The following DNAH9 variants were observed in gnomAD, a reference collection of about 807,000 sequenced individuals.
The protein encoded by DNAH9 is DNAH9 variant protein.
DNAH9 carries 345 observed loss-of-function variants against 471.6 expected under a neutral mutation model. The observed-to-expected ratio is 0.73, with a 90% CI of 0.67 to 0.80. DNAH9 has a LOEUF of 0.80. Ranked by LOEUF, DNAH9 falls within the 30% of genes least tolerant of loss-of-function variation. DNAH9 has a pLI of 0.00. For synonymous variants in DNAH9, 2,093 were observed against 2,123.6 expected, an observed-to-expected ratio of 0.99 and a Z score of 0.40; for missense variants, 5,407 against 5,609.2, an observed-to-expected ratio of 0.96 and a Z score of 1.15.
chr17:11,781,276 T>A, intron 39 of DNAH9, 102 bp downstream of exon 39: 1 of 1,262,796 alleles, frequency 7.9e-7, no homozygotes, highest in South Asian at 1.7e-5. Context: ...TCAGCATAGC[T>A]CTGGTGCCAG....
At chr17:11,774,757 G>C (rs11871363) in intron 38 of DNAH9, among the ~76,000 whole-genome samples, 1 of 151,692 alleles carries the variant, frequency 6.6e-6, no homozygotes, top group African/African-American at 2.4e-5. Context: ...ATATATTTTC[G>C]CTGCTGCATA....
intron 15 of DNAH9, among the ~76,000 whole-genome samples, chr17:11,668,385 G>C (rs1352132533): frequency 1.3e-5 from 2 of 152,120 alleles, no homozygotes; most frequent in African/African-American, 2.4e-5. Flanking sequence ...ACCTCTTGTT[G>C]GCTGGGCGCG....
intron 32 of DNAH9, among the ~76,000 whole-genome samples, chr17:11,752,466 T>C (rs1967198016): frequency 6.6e-6 from 1 of 152,036 alleles, no homozygotes; most frequent in African/African-American, 2.4e-5. Context: ...AAACCAGATC[T>C]GCATCCTGGC....
At chr17:11,914,397 T>G (rs1271037093) in intron 61 of DNAH9, among the ~76,000 whole-genome samples, 1 of 152,214 alleles carries the variant, frequency 6.6e-6, no homozygotes, top group African/African-American at 2.4e-5. Flanking sequence ...TAAATTGTAT[T>G]TCAGCCTTCT....
chr17:11,829,389 A>G (rs1405134566), intron 48 of DNAH9, among the ~76,000 whole-genome samples: 2 of 152,250 alleles, frequency 1.3e-5, no homozygotes, highest in African/African-American at 4.8e-5. Flanking sequence ...TTGTGTTAGA[A>G]GTAGGAATGA....
At chr17:11,653,102 G>A in intron 14 of DNAH9, 100 bp downstream of exon 14, 1 of 1,259,766 alleles carries the variant, frequency 7.9e-7, no homozygotes, top group South Asian at 1.4e-5. Flanking sequence ...AGTAAGTGCA[G>A]TGTCTTCCGA....
chr17:11,900,224 G>A (rs1029434860), intron 59 of DNAH9, among the ~76,000 whole-genome samples: 5 of 151,926 alleles, frequency 3.3e-5, no homozygotes, highest in African/African-American at 7.3e-5. Context: ...CACTCCACAC[G>A]ACTTATCTGC....
intron 45 of DNAH9, among the ~76,000 whole-genome samples, chr17:11,816,042 A>C (rs1412718362): frequency 6.6e-6 from 1 of 152,058 alleles, no homozygotes; most frequent in East Asian, 1.9e-4. Context: ...ACTTCTACCC[A>C]CAGTAGAAGA....
chr17:11,920,263 C>T (rs1044529082), intron 61 of DNAH9, among the ~76,000 whole-genome samples: 6 of 151,454 alleles, frequency 4.0e-5, no homozygotes, highest in Admixed American at 6.6e-5. Flanking sequence ...CTTGAACTCC[C>T]GACCTCAGGT....
At chr17:11,775,910 A>G (rs1968412538) in intron 38 of DNAH9, among the ~76,000 whole-genome samples, 1 of 152,128 alleles carries the variant, frequency 6.6e-6, no homozygotes, top group Non-Finnish European at 1.5e-5. Context: ...GTTCTTTTAT[A>G]GAGGAGGCAG....
Position 11,941,029 on chromosome 17 carries a change from C to T in DNAH9, c.12661-1274C>T, listed in dbSNP as rs183991182. Among the ~76,000 whole-genome samples the T allele has an allele frequency of 1.7e-3, 259 of 152,242 alleles. 1 individual carries two copies. Among genetic ancestry groups the T allele is most frequent in the Admixed American group, 2.7e-3 (41 of 15,286 alleles). On this transcript the variant is annotated intron_variant, in intron 66 of 68. Coordinates refer to ENST00000262442, the MANE Select transcript of DNAH9 (RefSeq NM_001372.4). ...GAGTCCCAGGTAAAAGAAGGGTAGACTGCCCTTTCCAGGCGCCCCCATCCT... is the reference window on the plus strand; with the variant it reads ...GAGTCCCAGGTAAAAGAAGGGTAGATTGCCCTTTCCAGGCGCCCCCATCCT...
chr17:11,656,808 G>C (rs2150709947), intron 14 of DNAH9, among the ~76,000 whole-genome samples: 1 of 152,178 alleles, frequency 6.6e-6, no homozygotes, highest in Middle Eastern at 3.4e-3. Context: ...ATATAGAGTA[G>C]ATTTGTCTTT....
chr17:11,866,840 T>A (rs549867635), intron 50 of DNAH9, among the ~76,000 whole-genome samples: 1 of 152,040 alleles, frequency 6.6e-6, no homozygotes, highest in Non-Finnish European at 1.5e-5. Flanking sequence ...CAGGATATAA[T>A]CTCCTGGTGC....
intron 54 of DNAH9, among the ~76,000 whole-genome samples, chr17:11,880,781 CT>C (rs1458870250): frequency 6.6e-6 from 1 of 152,120 alleles, no homozygotes; most frequent in Non-Finnish European, 1.5e-5. Context: ...TCAAGTCGTG[CT>C]CGTTTACTTG....
rs919643416 is a variant in DNAH9 at position 11,932,128 on chromosome 17, C to T, written c.12220C>T (p.Arg4074Cys). Residue 4074 changes from arginine to cysteine, a missense_variant, in exon 64 of 69, where the codon CGC (arginine) becomes TGC (cysteine). Transcript: ENST00000262442. This position sits in a 1 kb window ranked among gnomAD's most constrained non-coding sequence, Gnocchi z 4.3. ...AAAATTTGGGCCCCAGGGATGGAAT[C>T]GCTCATACCCCTTTAACACTGGAGA... Reference protein sequence around the residue: ...RRKFGPQGWNRSYPFNTGDLT... With the variant: ...RRKFGPQGWNCSYPFNTGDLT... The T allele has an allele frequency of 5.6e-6, 9 of 1,614,022 alleles. No homozygotes were observed. The highest frequency in any genetic ancestry group is 2.2e-5 in the South Asian group (2 of 91,068).
rs537727364 is a variant in DNAH9, at chr17:11,636,719, T to C, written c.1721T>C (p.Phe574Ser). Residue 574 changes from phenylalanine to serine, a missense_variant, in exon 9 of 69, where the codon TTC (phenylalanine) becomes TCC (serine). Around this residue, in one of 3 missense-constraint regions of DNAH9, gnomAD observed 4,636 missense variants for 4,900.3 expected, o/e 0.95. Transcript: ENST00000262442. ...AAATACCTGGTCCTCATCCAAATGT[T>C]CAACAAAGATCTGGATGCAGTGAGG... is the stretch of plus-strand genomic sequence containing the variant. ...SDKYLVLIQM[F>S]NKDLDAVRMI... The C allele has an allele frequency of 1.1e-5, 18 of 1,614,014 alleles. No homozygotes were observed. The South Asian group carries it at 1.8e-4, about 16-fold the overall frequency.
At chr17:11,955,678 G>A (rs1280154969) in intron 67 of DNAH9, among the ~76,000 whole-genome samples, 3 of 152,200 alleles carry the variant, frequency 2.0e-5, no homozygotes, top group Non-Finnish European at 2.9e-5. Flanking sequence ...AAAGACATAG[G>A]TGGAGTCAGG....
intron 49 of DNAH9, among the ~76,000 whole-genome samples, chr17:11,845,953 G>A (rs1490879036): frequency 1.3e-5 from 2 of 151,116 alleles, no homozygotes; most frequent in Admixed American, 6.6e-5. Context: ...GTTGTAGGTT[G>A]CCTGTTCACT....
intron 49 of DNAH9, among the ~76,000 whole-genome samples, chr17:11,847,075 G>A (rs975769806): frequency 9.2e-5 from 14 of 151,998 alleles, no homozygotes; most frequent in South Asian, 6.2e-4. Flanking sequence ...TTTTTTTCTT[G>A]TAAATTTAAG....
Sources: allele counts gnomAD v4.1 joint callset (sites outside exome capture counted in the v4.1 genomes callset), GRCh38; gene constraint gnomAD v4.1.1; regional missense constraint gnomAD v4.1.1; non-coding constraint Gnocchi (gnomAD v3.1); transcripts MANE v1.5; gene names NCBI Gene and HGNC (gene_info 2026-07-23, HGNC 2026-07-21).